ADK: variants seen among roughly 807,000 people sequenced by gnomAD.
ADK encodes N6,N6-dimethyladenosine kinase.
A neutral mutation model predicts 44.7 loss-of-function variants in ADK; 24 were observed. The ratio of observed to expected loss-of-function variants is 0.54; its 90% CI spans 0.39 to 0.76. ADK has a LOEUF of 0.76. Among genes scored for constraint, ADK ranks in the 30% least tolerant of loss-of-function variants. The pLI is 0.00. For missense variants in ADK, 321 were observed against 425.1 expected, an observed-to-expected ratio of 0.76 and a Z score of 2.15; for synonymous variants, 128 against 142.6, an observed-to-expected ratio of 0.90 and a Z score of 0.73.
intron 6 of ADK, among the ~76,000 whole-genome samples, chr10:74,412,855 C>T (rs1353584477): frequency 4.6e-5 from 7 of 152,066 alleles, no homozygotes; most frequent in Admixed American, 2.6e-4. Flanking sequence ...GTCAGGAATT[C>T]GAGACCAGCC....
Position 74,525,437 on chromosome 10 carries a change from T to G in ADK, c.726+11T>G, listed in dbSNP as rs45529443. 24,881 of 1,606,324 alleles carry G rather than the reference T, an allele frequency of 0.015. 252 individuals carry two copies. The highest frequency in any genetic ancestry group is 0.018 in the Non-Finnish European group (21,476 of 1,175,992). The stretch of plus-strand genomic sequence containing the variant: ...TTTGGAAATGAGACAGTGAGTTACC[T>G]TTCCTTTTTCAAAAGAACCTGGGGG... On this transcript the variant is annotated intron_variant, in intron 7 of 10. Transcript: ENST00000539909.
intron 2 of ADK, among the ~76,000 whole-genome samples, chr10:74,215,217 A>T (rs1260946677): frequency 6.6e-6 from 1 of 152,246 alleles, no homozygotes; most frequent in Admixed American, 6.5e-5. Context: ...AGAATTGATT[A>T]TAAAAGAATA....
chr10:74,333,762 G>C (rs1841312451), intron 4 of ADK, among the ~76,000 whole-genome samples: 1 of 152,066 alleles, frequency 6.6e-6, no homozygotes, highest in Non-Finnish European at 1.5e-5. Flanking sequence ...TTTAATGCTT[G>C]AATAGGTATT....
intron 4 of ADK, among the ~76,000 whole-genome samples, chr10:74,390,425 T>C (rs1301113767): frequency 6.6e-6 from 1 of 152,172 alleles, no homozygotes; most frequent in Non-Finnish European, 1.5e-5. Context: ...TTGAACATTT[T>C]CTAACTTACA....
rs78053312 is a variant in ADK, at chr10:74,518,934, T to C, written c.556-6322T>C. On this transcript the variant is annotated intron_variant, in intron 6 of 10. Transcript: ENST00000539909. ...GTGCCATAAGCATTTTCTACTTTAC[T>C]ACTTAGTTTTCATCATCATCATCAT... 3.8e-4 allele frequency among the ~76,000 whole-genome samples: 58 copies of C among 152,186 alleles called. No homozygotes were observed. The East Asian group carries it at 0.011, about 28-fold the overall frequency.
intron 2 of ADK, among the ~76,000 whole-genome samples, chr10:74,201,721 T>TATC (rs1843401144): frequency 7.0e-6 from 1 of 142,494 alleles, no homozygotes; most frequent in African/African-American, 2.6e-5. Context: ...TCTATCTATC[T>TATC]ATCTATCTAT....
intron 6 of ADK, among the ~76,000 whole-genome samples, chr10:74,437,584 T>G (rs1845225036): frequency 6.6e-6 from 1 of 152,246 alleles, no homozygotes; most frequent in African/African-American, 2.4e-5. Context: ...TCTTCTTTTA[T>G]CAGCAATTAC....
intron 7 of ADK, among the ~76,000 whole-genome samples, chr10:74,587,062 G>A (rs1007864572): frequency 6.6e-6 from 1 of 151,982 alleles, no homozygotes; most frequent in African/African-American, 2.4e-5. Flanking sequence ...TTTGAACTTT[G>A]TCTTACAGTC....
At chr10:74,364,888 A>G (rs369805424) in intron 4 of ADK, among the ~76,000 whole-genome samples, 168 of 152,074 alleles carry the variant, frequency 1.1e-3, no homozygotes, top group Middle Eastern at 3.4e-3. Context: ...TCTTTTCCTG[A>G]CACTTTCTTT....
intron 5 of ADK, among the ~76,000 whole-genome samples, chr10:74,394,791 T>C (rs1843451891): frequency 6.6e-6 from 1 of 152,206 alleles, no homozygotes; most frequent in African/African-American, 2.4e-5. Context: ...TAAATGGTCA[T>C]CTAAACCATT....
chr10:74,523,926 TA>T (rs1209339487), intron 6 of ADK, among the ~76,000 whole-genome samples: 1 of 152,194 alleles, frequency 6.6e-6, no homozygotes, highest in Non-Finnish European at 1.5e-5. Context: ...ATAAGCTTGT[TA>T]TTCCTTCCTT....
At chr10:74,244,377 A>G (rs1336857810) in intron 3 of ADK, among the ~76,000 whole-genome samples, 1 of 152,196 alleles carries the variant, frequency 6.6e-6, no homozygotes, top group Non-Finnish European at 1.5e-5. Context: ...TGGGCATTGT[A>G]TTTTGGGTGT....
chr10:74,427,420 G>A (rs1270426921), intron 6 of ADK, among the ~76,000 whole-genome samples: 2 of 152,096 alleles, frequency 1.3e-5, no homozygotes, highest in Non-Finnish European at 2.9e-5. Context: ...GGATGGTCTC[G>A]ATCTCTTGAC....
intron 6 of ADK, among the ~76,000 whole-genome samples, chr10:74,417,799 C>G (rs1056417662): frequency 2.0e-5 from 3 of 151,256 alleles, no homozygotes; most frequent in Non-Finnish European, 4.4e-5. Flanking sequence ...TTTCCATTCA[C>G]GAGCCCTGAC....
intron 2 of ADK, among the ~76,000 whole-genome samples, chr10:74,212,999 G>A (rs191819836): frequency 2.6e-5 from 4 of 152,202 alleles, no homozygotes; most frequent in African/African-American, 9.7e-5. Context: ...AGAGGGGCTT[G>A]AAAGATTGAA....
chr10:74,619,154 A>G (rs886273575), intron 9 of ADK, among the ~76,000 whole-genome samples: 8 of 151,706 alleles, frequency 5.3e-5, no homozygotes, highest in Non-Finnish European at 1.0e-4. Context: ...TCCCATCTGC[A>G]TTTCAAAACA....
chr10:74,160,910 T>G (rs1193479844), intron 1 of ADK, among the ~76,000 whole-genome samples: 2 of 152,140 alleles, frequency 1.3e-5, no homozygotes, highest in Non-Finnish European at 2.9e-5. Flanking sequence ...ACAATATTTA[T>G]TAAAACAACC....
chr10:74,530,545 A>G (rs188657297), intron 7 of ADK: 2 of 152,350 alleles, frequency 1.3e-5, no homozygotes, highest in East Asian at 3.9e-4. Flanking sequence ...GCAATGATCA[A>G]TGATCCCTGT....
chr10:74,647,570 C>G (rs1273326876), intron 9 of ADK, among the ~76,000 whole-genome samples: 2 of 152,108 alleles, frequency 1.3e-5, no homozygotes, highest in African/African-American at 4.8e-5. Flanking sequence ...AGGGAGCACA[C>G]TTTTCTGAAC....
Sources: gnomAD v4.1 joint callset for allele counts (sites outside exome capture counted in the v4.1 genomes callset) on GRCh38, gnomAD v4.1.1 for gene constraint, MANE v1.5 for transcripts, NCBI Gene and HGNC (gene_info 2026-07-23, HGNC 2026-07-21) for gene names.